Variants in CDH12 observed in about 807,000 individuals in gnomAD.
CDH12 encodes the protein cadherin 12.
A neutral mutation model predicts 74.1 loss-of-function variants in CDH12; 41 were observed. The observed-to-expected ratio is 0.55, with a 90% CI of 0.43 to 0.72. CDH12 has a LOEUF of 0.72. Among genes scored for constraint, CDH12 ranks in the 30% least tolerant of loss-of-function variants. The pLI is 0.00. For synonymous variants in CDH12, 399 were observed against 355.0 expected (o/e 1.12, Z -1.39); for missense variants, 945 against 977.2 (o/e 0.97, Z 0.44).
chr5:22,200,531 A>G, intron 4 of CDH12, among the ~76,000 whole-genome samples: 1 of 152,196 alleles, frequency 6.6e-6, no homozygotes, highest in Non-Finnish European at 1.5e-5. Context: ...ACTGTTCATT[A>G]AAGTACAAGA....
intron 11 of CDH12, among the ~76,000 whole-genome samples, chr5:21,776,590 T>C (rs779340190): frequency 6.6e-6 from 1 of 152,126 alleles, no homozygotes; most frequent in Non-Finnish European, 1.5e-5. Flanking sequence ...CTCCACCTAT[T>C]TTTAGGATAT....
chr5:22,702,778 A>T (rs531135643), intron 1 of CDH12, among the ~76,000 whole-genome samples: 2 of 152,180 alleles, frequency 1.3e-5, no homozygotes, highest in African/African-American at 4.8e-5. Flanking sequence ...GGATACTTTG[A>T]ACAGTTTGAA....
chr5:22,469,674 G>GT (rs1252386557), intron 2 of CDH12, among the ~76,000 whole-genome samples: 3 of 152,104 alleles, frequency 2.0e-5, no homozygotes, highest in Non-Finnish European at 4.4e-5. Context: ...TTCAATGGCA[G>GT]TCATTTTCCA....
intron 10 of CDH12, among the ~76,000 whole-genome samples, chr5:21,799,290 T>C (rs1746978491): frequency 6.6e-6 from 1 of 152,118 alleles, no homozygotes; most frequent in Non-Finnish European, 1.5e-5. Context: ...AAGCAAAGTG[T>C]TAAAGGAGTA....
At chr5:22,318,921 G>A (rs1253289316) in intron 3 of CDH12, among the ~76,000 whole-genome samples, 1 of 152,120 alleles carries the variant, frequency 6.6e-6, no homozygotes, top group Non-Finnish European at 1.5e-5. Flanking sequence ...TCTAATGTAT[G>A]TGTCAATGTC....
At chr5:21,858,621 G>A (rs1363877111) in intron 6 of CDH12, among the ~76,000 whole-genome samples, 1 of 151,880 alleles carries the variant, frequency 6.6e-6, no homozygotes, top group African/African-American at 2.4e-5. Context: ...TCAAGTTAAT[G>A]AGTATATGAA....
At chr5:21,901,971 G>T (rs17364304) in intron 6 of CDH12, among the ~76,000 whole-genome samples, 2 of 152,066 alleles carry the variant, frequency 1.3e-5, no homozygotes, top group Admixed American at 1.3e-4. Context: ...GCCACTGTAC[G>T]TGCAGAGATT....
intron 4 of CDH12, among the ~76,000 whole-genome samples, chr5:22,187,301 A>T (rs991825752): frequency 6.6e-6 from 1 of 152,212 alleles, no homozygotes. Flanking sequence ...CAACTTAAAA[A>T]TGAAAATGTC....
intron 1 of CDH12, among the ~76,000 whole-genome samples, chr5:22,678,153 T>G (rs1438411995): frequency 6.6e-6 from 1 of 152,026 alleles, no homozygotes; most frequent in Non-Finnish European, 1.5e-5. Flanking sequence ...GACTGAATCT[T>G]GAACGAATCT....
chr5:22,585,657 A>G (rs1370358551), intron 1 of CDH12, among the ~76,000 whole-genome samples: 3 of 151,898 alleles, frequency 2.0e-5, no homozygotes, highest in Non-Finnish European at 4.4e-5. Flanking sequence ...CTTTCAGTTT[A>G]CCAACTGTCT....
chr5:22,598,633 T>C (rs555217798), intron 1 of CDH12, among the ~76,000 whole-genome samples: 5 of 152,148 alleles, frequency 3.3e-5, no homozygotes, highest in East Asian at 3.9e-4. Flanking sequence ...ATCCTCAGAG[T>C]TTTTACAAAA....
intron 6 of CDH12, chr5:21,883,459 G>A (rs1373102389): frequency 1.2e-6 from 2 of 1,611,354 alleles, no homozygotes; most frequent in East Asian, 4.5e-5. Context: ...ATCTTGAATA[G>A]GCTAAAGGTT....
chr5:22,608,045 C>A (rs1212875307), intron 1 of CDH12, among the ~76,000 whole-genome samples: 7 of 152,348 alleles, frequency 4.6e-5, no homozygotes. Context: ...GAGTCCCCAA[C>A]TGAGGCATTG....
intron 1 of CDH12, among the ~76,000 whole-genome samples, chr5:22,629,064 C>A (rs561554463): frequency 4.9e-4 from 74 of 152,056 alleles, no homozygotes; most frequent in African/African-American, 1.7e-3. Flanking sequence ...AAATTTAAAT[C>A]TTGAACAGAA....
intron 3 of CDH12, among the ~76,000 whole-genome samples, chr5:22,301,795 CTTAT>C (rs1214270604): frequency 1.3e-5 from 2 of 151,808 alleles, no homozygotes; most frequent in Non-Finnish European, 2.9e-5. Context: ...CCATGCCCAG[CTTAT>C]TTATTTATTT....
chr5:22,247,070 C>T (rs1039666286), intron 3 of CDH12, among the ~76,000 whole-genome samples: 6 of 152,118 alleles, frequency 3.9e-5, no homozygotes, highest in Admixed American at 2.6e-4. Context: ...TTGGATTACT[C>T]ACACTTAGGT....
chr5:22,010,042 C>T (rs1737212845), intron 5 of CDH12, among the ~76,000 whole-genome samples: 1 of 151,378 alleles, frequency 6.6e-6, no homozygotes, highest in African/African-American at 2.4e-5. Context: ...TGGGTCAGCA[C>T]TGTCTTTTCC....
intron 3 of CDH12, among the ~76,000 whole-genome samples, chr5:22,397,462 T>G (rs892599863): frequency 7.2e-5 from 11 of 152,008 alleles, no homozygotes; most frequent in Non-Finnish European, 5.9e-5. Flanking sequence ...CCAGGTTTTT[T>G]TTTTTTTTTT....
At chr5:22,159,025 A>G (rs1158013348) in intron 4 of CDH12, among the ~76,000 whole-genome samples, 3 of 152,126 alleles carry the variant, frequency 2.0e-5, no homozygotes, top group African/African-American at 4.8e-5. Flanking sequence ...CGGTTCCCCT[A>G]TGTTTTTGAA....
Sources: allele counts gnomAD v4.1 joint callset (sites outside exome capture counted in the v4.1 genomes callset), GRCh38; gene constraint gnomAD v4.1.1; transcripts MANE v1.5; gene names NCBI Gene and HGNC (gene_info 2026-07-23, HGNC 2026-07-21).